The following CSTF3 variants were observed in gnomAD, a reference collection of about 807,000 sequenced individuals.
CSTF3 encodes CF-1 77 kDa subunit.
Under a neutral mutation model 105.8 loss-of-function variants are expected in CSTF3, and 29 were observed. The ratio of observed to expected loss-of-function variants is 0.27; its 90% confidence interval spans 0.20 to 0.37. The LOEUF (loss-of-function observed/expected upper bound fraction) is 0.37, where lower values mean the gene tolerates loss of function less well. Among genes scored for constraint, CSTF3 ranks in the 10% least tolerant of loss-of-function variants. The probability of loss-of-function intolerance (pLI) is 1.00; values close to 1 mark genes in which losing one functional copy is unlikely to be tolerated. For missense variants in CSTF3, 357 were observed against 879.3 expected, an observed-to-expected ratio of 0.41 and a Z score of 7.51; for synonymous variants, 252 against 281.9, an observed-to-expected ratio of 0.89 and a Z score of 1.06.
rs771452356 is a variant in CSTF3, at chr11:33,092,357, G to C, written c.1376-17C>G. 4 of 1,473,120 alleles carry C rather than the reference G, an allele frequency of 2.7e-6. No individual in the cohort carries two copies. Among genetic ancestry groups the C allele is most frequent in the Non-Finnish European group, 3.6e-6 (4 of 1,098,148 alleles). 91.3% of individuals were successfully genotyped at this position (1,473,120 alleles called of 1,614,324 possible). On this transcript the variant is annotated splice_polypyrimidine_tract_variant and intron_variant, in intron 15 of 20. Coordinates refer to ENST00000323959, the MANE Select transcript of CSTF3 (RefSeq NM_001326.3). ...TATTGTCCTCTAGGATATTGAAAAA[G>C]ATTTTAATTTTTTTAATTCACTTTT...
At chr11:33,138,886 G>A (rs1166358874) in intron 3 of CSTF3, among the ~76,000 whole-genome samples, 1 of 151,768 alleles carries the variant, frequency 6.6e-6, no homozygotes, top group African/African-American at 2.4e-5. Flanking sequence ...ATACACAGAA[G>A]TTTGTCCTAA....
At position 33,131,744 on chromosome 11, in the gene CSTF3, C is replaced by T. The variant is rs557039311; in HGVS notation, c.225+9923G>A. Among the ~76,000 whole-genome samples, 38 of 151,862 alleles carry T rather than the reference C, an allele frequency of 2.5e-4. No individual in the cohort carries two copies. The East Asian group carries it at 5.2e-3, about 21-fold the overall frequency. ...GCGGGCGCCTGTAGTCCCAGCTACT[C>T]GGGAGGCTGAGGCAGGAGAATGGCG... On this transcript the variant is annotated intron_variant, in intron 3 of 20. Coordinates refer to ENST00000323959, the MANE Select transcript of CSTF3 (RefSeq NM_001326.3).
intron 1 of CSTF3, among the ~76,000 whole-genome samples, chr11:33,146,613 T>G (rs988202494): frequency 4.3e-5 from 4 of 93,222 alleles, no homozygotes; most frequent in South Asian, 3.7e-4. Flanking sequence ...TTATGGAATT[T>G]GTAGTCACTT....
At chr11:33,114,670 G>A (rs1855413611) in intron 3 of CSTF3, among the ~76,000 whole-genome samples, 1 of 152,036 alleles carries the variant, frequency 6.6e-6, no homozygotes. Flanking sequence ...GGACAACATG[G>A]TGAAACCCCA....
At chr11:33,146,875 G>T (rs1855790671) in intron 1 of CSTF3, among the ~76,000 whole-genome samples, 1 of 150,948 alleles carries the variant, frequency 6.6e-6, no homozygotes, top group Non-Finnish European at 1.5e-5. Context: ...AAAATTAAAA[G>T]AAATTTTAGG....
intron 1 of CSTF3, among the ~76,000 whole-genome samples, chr11:33,157,360 A>C (rs1373487827): frequency 6.6e-6 from 1 of 152,214 alleles, no homozygotes; most frequent in Non-Finnish European, 1.5e-5. Flanking sequence ...ATCTCAAAAA[A>C]ACAAAAAACA....
intron 3 of CSTF3, chr11:33,134,278 C>A (rs1041046019): frequency 1.4e-4 from 22 of 152,250 alleles, no homozygotes; most frequent in African/African-American, 5.1e-4. Context: ...GTTATTCAAC[C>A]AATACAAAGC....
intron 3 of CSTF3, chr11:33,134,354 T>G (rs1855631284): frequency 6.6e-6 from 1 of 152,208 alleles, no homozygotes. Flanking sequence ...ATCAAAGTTT[T>G]AAGCATTTTT....
intron 13 of CSTF3, 40 bp from the exon 14 acceptor site, chr11:33,097,018 G>A (rs1701107209): frequency 6.9e-7 from 1 of 1,452,598 alleles, no homozygotes; most frequent in Admixed American, 2.0e-5. Flanking sequence ...AAATTAGACA[G>A]TATGTTTCCT....
rs777824622 is a variant in CSTF3, at chr11:33,087,145, A to T, written c.1642-4T>A. The T allele has an allele frequency of 1.2e-6, 2 of 1,613,962 alleles. No homozygotes were observed. The highest frequency in any genetic ancestry group is 1.7e-6 in the Non-Finnish European group (2 of 1,179,882). On this transcript the variant is annotated splice_polypyrimidine_tract_variant and splice_region_variant and intron_variant, in intron 17 of 20. Coordinates refer to ENST00000323959, the MANE Select transcript of CSTF3 (RefSeq NM_001326.3). ...CTAGCTTAGCACGGGAGACATCCTG[A>T]AAATGCAGAACAGAAGAATCCTAAA...
chr11:33,133,060 A>G (rs959077186), intron 3 of CSTF3, among the ~76,000 whole-genome samples: 5 of 152,102 alleles, frequency 3.3e-5, no homozygotes, highest in Non-Finnish European at 7.4e-5. Context: ...ATGATTTTAT[A>G]TTTGACAAAA....
Position 33,085,916 on chromosome 11 carries a change from G to T in CSTF3, c.1869C>A (p.Leu623=), listed in dbSNP as rs1358587752. 1 of 1,556,568 alleles carries T rather than the reference G, an allele frequency of 6.4e-7. No homozygotes were observed. The change falls in exon 19 of 21, where the codon CTC becomes CTA. Residue 623 remains leucine (L), a synonymous_variant. Transcript: ENST00000323959. The part of the protein sequence containing the change: ...PPAAVVLMKL[L]PPPICFQGPF... ...AAACCTGGAAACAGATAGGAGGAGG[G>T]AGAAGTTTCATTAAAACAACAGCTG...
chr11:33,129,326 G>C (rs960917166), intron 3 of CSTF3, among the ~76,000 whole-genome samples: 1 of 151,610 alleles, frequency 6.6e-6, no homozygotes, highest in Non-Finnish European at 1.5e-5. Context: ...TCCTGACCTC[G>C]AGTGATCTGC....
chr11:33,098,661 T>C, intron 13 of CSTF3, 29 bp downstream of exon 13: 1 of 1,390,660 alleles, frequency 7.2e-7, no homozygotes, highest in Non-Finnish European at 1.0e-6. Flanking sequence ...ACTGTAAAGG[T>C]GGAAAAAAAG....
Position 33,141,752 on chromosome 11 carries a change from A to G in CSTF3, c.140T>C (p.Ile47Thr), listed in dbSNP as rs1351261106. 1 of 1,587,422 alleles carries G rather than the reference A, an allele frequency of 6.3e-7. No homozygotes were observed. The highest frequency in any genetic ancestry group is 8.5e-7 in the Non-Finnish European group (1 of 1,173,550). Residue 47 changes from isoleucine (I) to threonine (T), a missense_variant, in exon 3 of 21, where the codon ATA becomes ACA. Ile to Thr is a moderately conservative substitution (Grantham distance 89). Coordinates refer to ENST00000323959, the MANE Select transcript of CSTF3 (RefSeq NM_001326.3). ...TTCATAAGTCTTCCGTGCTTTGTCT[A>G]TAGGTTGATTCTAAAATTGAAAACC... ...ILIREAQNQP[I>T]DKARKTYERL...
chr11:33,158,856 T>C (rs1211215477), intron 1 of CSTF3, among the ~76,000 whole-genome samples: 4 of 151,780 alleles, frequency 2.6e-5, no homozygotes, highest in Non-Finnish European at 4.4e-5. Context: ...AAAAAACAAA[T>C]ACACCCAGAA....
intron 3 of CSTF3, among the ~76,000 whole-genome samples, chr11:33,110,812 C>T (rs758393738): frequency 1.3e-5 from 2 of 152,112 alleles, no homozygotes; most frequent in Admixed American, 6.5e-5. Flanking sequence ...AAAGGCACTT[C>T]ATACACAGCT....
At chr11:33,095,416 C>T (rs1855209646) in intron 15 of CSTF3, among the ~76,000 whole-genome samples, 1 of 152,160 alleles carries the variant, frequency 6.6e-6, no homozygotes, top group African/African-American at 2.4e-5. Flanking sequence ...ATATTGTGCA[C>T]TGTTGTTAAC....
intron 3 of CSTF3, among the ~76,000 whole-genome samples, chr11:33,115,972 G>A (rs1231068759): frequency 6.6e-6 from 1 of 152,140 alleles, no homozygotes; most frequent in African/African-American, 2.4e-5. Flanking sequence ...TACTGATTTA[G>A]ATATAACAGG....
Sources: allele counts gnomAD v4.1 joint callset (sites outside exome capture counted in the v4.1 genomes callset), GRCh38; gene constraint gnomAD v4.1.1; transcripts MANE v1.5; gene names NCBI Gene and HGNC (gene_info 2026-07-23, HGNC 2026-07-21).